QTMAN: variants seen among roughly 807,000 people sequenced by gnomAD.
The protein encoded by QTMAN is tRNA-queuosine alpha-mannosyltransferase.
At chr2:144,090,097 A>G in the QTMAN span, among the ~76,000 whole-genome samples, 29 of 152,210 alleles carry the variant, frequency 1.9e-4, no homozygotes, top group African/African-American at 6.7e-4. Flanking sequence ...ACCATCTAAT[A>G]GAGAAACAAA....
the QTMAN span, among the ~76,000 whole-genome samples, chr2:144,242,860 G>A: frequency 6.6e-6 from 1 of 150,560 alleles, no homozygotes; most frequent in Non-Finnish European, 1.5e-5. Context: ...ACTTTGGGAG[G>A]CTGAGACATG....
At chr2:144,064,610 T>C in the QTMAN span, among the ~76,000 whole-genome samples, 2 of 152,136 alleles carry the variant, frequency 1.3e-5, no homozygotes, top group African/African-American at 4.8e-5. Context: ...ATTCTCTTTA[T>C]TTAGCAATAT....
At chr2:144,065,513 T>C in the QTMAN span, among the ~76,000 whole-genome samples, 1 of 152,222 alleles carries the variant, frequency 6.6e-6, no homozygotes, top group Non-Finnish European at 1.5e-5. Context: ...TGGCTGTATC[T>C]TTCTAACAAT....
At chr2:144,332,548 C>T in the QTMAN span, 2 of 148,430 alleles carry the variant, frequency 1.3e-5, no homozygotes, top group Non-Finnish European at 3.0e-5. Context: ...TGCCGCCGCC[C>T]CTCCCGGCCC....
chr2:144,167,397 G>A, the QTMAN span, among the ~76,000 whole-genome samples: 3 of 152,238 alleles, frequency 2.0e-5, no homozygotes, highest in African/African-American at 7.2e-5. Flanking sequence ...TGGATGCCAT[G>A]CTATTACTTT....
the QTMAN span, among the ~76,000 whole-genome samples, chr2:143,981,983 A>C: frequency 6.6e-6 from 1 of 152,144 alleles, no homozygotes; most frequent in Non-Finnish European, 1.5e-5. Flanking sequence ...TTGTTACCCC[A>C]GTTTTTTTGT....
the QTMAN span, among the ~76,000 whole-genome samples, chr2:144,207,015 T>C: frequency 6.6e-6 from 1 of 152,164 alleles, no homozygotes; most frequent in Non-Finnish European, 1.5e-5. Context: ...TTAAATGAGA[T>C]GTGAAAGCAA....
At chr2:144,008,436 C>CA in the QTMAN span, among the ~76,000 whole-genome samples, 170 of 151,882 alleles carry the variant, frequency 1.1e-3, 1 homozygote, top group African/African-American at 4.0e-3. Flanking sequence ...GCTCTGGAGT[C>CA]AGAGAATATG....
At chr2:144,243,340 G>A in the QTMAN span, among the ~76,000 whole-genome samples, 5 of 152,064 alleles carry the variant, frequency 3.3e-5, no homozygotes, top group African/African-American at 1.2e-4. Context: ...ACTCCATAAT[G>A]CCCATTTATC....
At chr2:144,237,012 C>T in the QTMAN span, among the ~76,000 whole-genome samples, 1 of 152,058 alleles carries the variant, frequency 6.6e-6, no homozygotes, top group Admixed American at 6.6e-5. Context: ...CAAAAAATAA[C>T]ATATTTAGAC....
the QTMAN span, among the ~76,000 whole-genome samples, chr2:144,278,366 G>T: frequency 2.0e-5 from 3 of 152,184 alleles, no homozygotes; most frequent in South Asian, 6.2e-4. Flanking sequence ...AAGAGTGGAA[G>T]AATACTCAAC....
At chr2:144,329,751 T>C in the QTMAN span, among the ~76,000 whole-genome samples, 6 of 152,218 alleles carry the variant, frequency 3.9e-5, no homozygotes, top group South Asian at 1.2e-3. Context: ...CCTAACAGCG[T>C]ACCTGGTTCA....
At chr2:144,300,273 C>T in the QTMAN span, among the ~76,000 whole-genome samples, 1 of 152,106 alleles carries the variant, frequency 6.6e-6, no homozygotes, top group Admixed American at 6.5e-5. Context: ...ATGTTAGGTC[C>T]ATTTTACCAC....
At chr2:144,281,616 G>C in the QTMAN span, among the ~76,000 whole-genome samples, 5 of 152,104 alleles carry the variant, frequency 3.3e-5, no homozygotes, top group Non-Finnish European at 7.4e-5. Context: ...GGCCTTTAAA[G>C]AGGTGATTAA....
the QTMAN span, among the ~76,000 whole-genome samples, chr2:144,020,726 G>A: frequency 1.3e-5 from 2 of 152,166 alleles, no homozygotes; most frequent in East Asian, 3.9e-4. Context: ...AGGGGAACAA[G>A]GGAACTTTTC....
the QTMAN span, among the ~76,000 whole-genome samples, chr2:144,062,027 C>G: frequency 6.6e-6 from 1 of 152,202 alleles, no homozygotes; most frequent in Non-Finnish European, 1.5e-5. Context: ...GTTCACCATC[C>G]TTGAAGTCCA....
the QTMAN span, among the ~76,000 whole-genome samples, chr2:144,324,060 G>C: frequency 6.6e-6 from 1 of 151,964 alleles, no homozygotes; most frequent in Non-Finnish European, 1.5e-5. Context: ...ATCTTCATTA[G>C]TAGTTTTACA....
chr2:144,069,247 G>C, the QTMAN span, among the ~76,000 whole-genome samples: 1 of 145,828 alleles, frequency 6.9e-6, no homozygotes, highest in Admixed American at 6.9e-5. Flanking sequence ...GCTTACCTTC[G>C]ACAGGATTTG....
the QTMAN span, among the ~76,000 whole-genome samples, chr2:143,962,040 C>G: frequency 6.6e-6 from 1 of 152,044 alleles, no homozygotes; most frequent in African/African-American, 2.4e-5. Flanking sequence ...AGCACTCCCA[C>G]CAGGAGTGCT....
Sources: allele counts gnomAD v4.1 joint callset (sites outside exome capture counted in the v4.1 genomes callset), GRCh38; gene constraint gnomAD v4.1.1; transcripts MANE v1.5; gene names NCBI Gene and HGNC (gene_info 2026-07-23, HGNC 2026-07-21).